Variants in FSHR observed in about 807,000 individuals in gnomAD.
FSHR encodes the protein follicle stimulating hormone receptor.
In FSHR, 46 loss-of-function variants were observed where a neutral mutation model predicts 52.1. The observed-to-expected ratio is 0.88, with a 90% confidence interval of 0.70 to 1.13. FSHR has a LOEUF of 1.13. Ranked by LOEUF, FSHR falls within the 50% of genes most tolerant of loss-of-function variation. The pLI is 0.00. For missense variants in FSHR, 964 were observed against 834.6 expected (o/e 1.16, Z -1.91); for synonymous variants, 399 against 309.6 (o/e 1.29, Z -3.03).
chr2:49,087,512 C>T (rs1353799043), intron 1 of FSHR, among the ~76,000 whole-genome samples: 2 of 152,178 alleles, frequency 1.3e-5, no homozygotes, highest in African/African-American at 4.8e-5. Context: ...GACGAAGTAT[C>T]TGCCCTAATT....
chr2:48,973,271 T>C (rs57391845), intron 8 of FSHR, among the ~76,000 whole-genome samples: 104,788 of 137,236 alleles, frequency 0.76, 37,311 homozygotes, highest in East Asian at 0.82. Context: ...CACACACACA[T>C]GCACATGCAA....
chr2:49,141,290 A>C (rs990321679), intron 1 of FSHR, among the ~76,000 whole-genome samples: 3 of 152,158 alleles, frequency 2.0e-5, no homozygotes, highest in African/African-American at 4.8e-5. Context: ...AAGACTGGGT[A>C]ATTTATAAGG....
intron 8 of FSHR, among the ~76,000 whole-genome samples, chr2:48,981,101 G>A (rs1241409941): frequency 6.6e-6 from 1 of 152,178 alleles, no homozygotes; most frequent in East Asian, 1.9e-4. Context: ...AGTACTCTAA[G>A]AACAGGGTAC....
At chr2:49,033,635 T>C (rs1024288881) in intron 2 of FSHR, among the ~76,000 whole-genome samples, 11 of 152,092 alleles carry the variant, frequency 7.2e-5, no homozygotes, top group Non-Finnish European at 1.5e-4. Context: ...TACAGCATCA[T>C]GGGAAGCATG....
At chr2:49,127,519 TAC>T (rs72289679) in intron 1 of FSHR, among the ~76,000 whole-genome samples, 39,303 of 146,730 alleles carry the variant, frequency 0.27, 5,325 homozygotes, top group East Asian at 0.48. Flanking sequence ...ACCACCACAA[TAC>T]ACACACACAC....
chr2:48,968,896 A>G lies in FSHR; in HGVS notation c.669-13T>C, dbSNP rs370391640. The G allele has an allele frequency of 9.3e-5, 150 of 1,611,274 alleles. No homozygotes were observed. In the Middle Eastern group the frequency reaches 1.3e-3, roughly 14 times the overall value. On this transcript the variant is annotated splice_polypyrimidine_tract_variant and intron_variant, in intron 8 of 9. Transcript: ENST00000406846. ...TCTTGAAATATCTCTATAAAGAGAA[A>G]AGGTAAATATAACAGGATTACTATG...
chr2:49,131,394 A>G lies in FSHR; in HGVS notation c.152+22872T>C, dbSNP rs142033438. On this transcript the variant is annotated intron_variant, in intron 1 of 9. Transcript: ENST00000406846. Reference sequence around the variant, plus strand: ...TGTTGAATCCAAAGACCCTCTAAGCATAGTGTGATCTGAGCTAGTCCATAC... The same window carrying G: ...TGTTGAATCCAAAGACCCTCTAAGCGTAGTGTGATCTGAGCTAGTCCATAC... 2.5e-3 allele frequency among the ~76,000 whole-genome samples: 381 copies of G among 152,332 alleles called. 2 individuals are homozygous for G. Among genetic ancestry groups the G allele is most frequent in the African/African-American group, 8.7e-3 (363 of 41,594 alleles).
chr2:49,043,687 T>C (rs906217921), intron 2 of FSHR, among the ~76,000 whole-genome samples: 6 of 152,218 alleles, frequency 3.9e-5, no homozygotes, highest in South Asian at 2.1e-4. Context: ...TGAATTCAGA[T>C]ACAGTTATCT....
intron 1 of FSHR, among the ~76,000 whole-genome samples, chr2:49,149,014 T>C (rs1409488385): frequency 6.6e-6 from 1 of 151,984 alleles, no homozygotes. Context: ...AGTAATTATA[T>C]AATCCAGGAT....
intron 1 of FSHR, among the ~76,000 whole-genome samples, chr2:49,125,634 A>T (rs1362586876): frequency 6.6e-6 from 1 of 152,232 alleles, no homozygotes; most frequent in African/African-American, 2.4e-5. Flanking sequence ...GAATGAATTG[A>T]TGATATACAG....
At chr2:49,007,976 A>G (rs540598225) in intron 4 of FSHR, among the ~76,000 whole-genome samples, 1 of 152,040 alleles carries the variant, frequency 6.6e-6, no homozygotes, top group Non-Finnish European at 1.5e-5. Flanking sequence ...CAGGAATTTA[A>G]TAAGAATGGA....
At chr2:49,027,677 C>G (rs763625859) in intron 2 of FSHR, among the ~76,000 whole-genome samples, 2 of 152,026 alleles carry the variant, frequency 1.3e-5, no homozygotes, top group Non-Finnish European at 2.9e-5. Context: ...TGGCAAAACA[C>G]CATCTCTACT....
At chr2:49,020,336 A>C (rs1244528234) in intron 2 of FSHR, among the ~76,000 whole-genome samples, 176 bp from the exon 3 acceptor site, 1 of 152,210 alleles carries the variant, frequency 6.6e-6, no homozygotes, top group African/African-American at 2.4e-5. Flanking sequence ...AGAGGCTAAC[A>C]CTTACCGAAC....
intron 1 of FSHR, among the ~76,000 whole-genome samples, chr2:49,077,112 T>C (rs1487113146): frequency 6.6e-6 from 1 of 152,192 alleles, no homozygotes; most frequent in African/African-American, 2.4e-5. Flanking sequence ...TCCCACCACA[T>C]ATTTCCCTTC....
chr2:49,017,403 TC>T (rs947067242), intron 4 of FSHR, 85 bp downstream of exon 4: 51 of 988,790 alleles, frequency 5.2e-5, no homozygotes, highest in Non-Finnish European at 7.8e-5. Context: ...AAGTAATTGC[TC>T]CCCAGAGTAT....
At chr2:49,126,032 A>G (rs1027100167) in intron 1 of FSHR, among the ~76,000 whole-genome samples, 1 of 152,184 alleles carries the variant, frequency 6.6e-6, no homozygotes, top group Non-Finnish European at 1.5e-5. Flanking sequence ...CTGGTAGGAG[A>G]AGCAGAATTT....
intron 1 of FSHR, among the ~76,000 whole-genome samples, chr2:49,131,617 A>G (rs1048443317): frequency 5.3e-5 from 8 of 152,120 alleles, no homozygotes; most frequent in African/African-American, 1.4e-4. Context: ...GAACTGCATT[A>G]TTTCTTGCTG....
At chr2:49,098,809 T>C (rs4638837) in intron 1 of FSHR, among the ~76,000 whole-genome samples, 34,057 of 146,352 alleles carry the variant, frequency 0.23, 4,019 homozygotes, top group Middle Eastern at 0.31. Flanking sequence ...TTATAATATG[T>C]ATACTTATAT....
intron 9 of FSHR, among the ~76,000 whole-genome samples, chr2:48,968,306 CACCA>C (rs1674569256): frequency 1.3e-5 from 2 of 152,192 alleles, no homozygotes; most frequent in African/African-American, 2.4e-5. Context: ...TGCATCTCCC[CACCA>C]AAGATGACAC....
Sources: gnomAD v4.1 joint callset for allele counts (sites outside exome capture counted in the v4.1 genomes callset) on GRCh38, gnomAD v4.1.1 for gene constraint, MANE v1.5 for transcripts, NCBI Gene and HGNC (gene_info 2026-07-23, HGNC 2026-07-21) for gene names.